NEURL1: variants seen among roughly 807,000 people sequenced by gnomAD.
NEURL1 encodes neuralized E3 ubiquitin protein ligase 1, also known as E3 ubiquitin-protein ligase NEURL1.
In NEURL1, 26 loss-of-function variants were observed where a neutral mutation model predicts 41.2. The observed-to-expected ratio is 0.63, with a 90% confidence interval of 0.46 to 0.87. The LOEUF (loss-of-function observed/expected upper bound fraction) is 0.87. Ranked by LOEUF, NEURL1 falls within the 40% of genes least tolerant of loss-of-function variation. The pLI is 0.00. For synonymous variants in NEURL1, 400 were observed against 402.3 expected (o/e 0.99, Z 0.07); for missense variants, 761 against 871.1 (o/e 0.87, Z 1.59).
In NEURL1 at chr10:103,590,621, C is replaced by CT; in HGVS notation, c.*250dup. The CT allele has an allele frequency of 1.8e-6, 1 of 548,570 alleles. No homozygotes were observed. The highest frequency in any genetic ancestry group is 3.3e-6 in the Non-Finnish European group (1 of 305,330). 34.0% of individuals were successfully genotyped at this position (548,570 alleles called of 1,614,324 possible). A position where few individuals can be genotyped will look rare whatever the true frequency, so the allele number is the denominator to read the frequency against. ...CGCACTCTCCCTGTCTCTCCCGTCT[C>CT]TGCACCCAGCTCCTCTCTGCATGCT... On this transcript the variant is annotated 3_prime_UTR_variant, in exon 6 of 6. Transcript: ENST00000369780.
At position 103,584,529 on chromosome 10, in the gene NEURL1, CG is replaced by C; in HGVS notation, c.650-6del. 7.4e-7 allele frequency: 1 copy of C among 1,357,548 alleles called. No homozygotes were observed. The allele number at this position is 1,357,548 out of a possible 1,614,324, so 84.1% of individuals were successfully genotyped here. A position where few individuals can be genotyped will look rare whatever the true frequency, so the allele number is the denominator to read the frequency against. ...CTGCGTGACACTGCCCCGTGTCTCC[CG>C]CGCAGATAGCGAGCTGGTGCTCCCG... On this transcript the variant is annotated splice_region_variant and splice_polypyrimidine_tract_variant and intron_variant, in intron 3 of 5. Coordinates refer to ENST00000369780, the MANE Select transcript of NEURL1 (RefSeq NM_004210.5).
At chr10:103,512,884 C>A (rs1022613333) in intron 1 of NEURL1, among the ~76,000 whole-genome samples, 1 of 152,126 alleles carries the variant, frequency 6.6e-6, no homozygotes, top group African/African-American at 2.4e-5. Flanking sequence ...TCCCTTCTCT[C>A]CCCTCTTCCC....
chr10:103,585,118 T>C lies in NEURL1; in HGVS notation c.1232T>C (p.Leu411Pro). 1 of 1,591,056 alleles carries C rather than the reference T, an allele frequency of 6.3e-7. No individual in the cohort carries two copies. The highest frequency in any genetic ancestry group is 2.3e-5 in the East Asian group (1 of 44,422). The change falls in exon 4 of 6, where the codon CTC becomes CCC. Residue 411 changes from leucine to proline, a missense_variant. Coordinates refer to ENST00000369780, the MANE Select transcript of NEURL1 (RefSeq NM_004210.5). The stretch of plus-strand genomic sequence containing the variant: ...GTCAACGCCGACGGCGAGCTGCACC[T>C]CAGCCACAATGGCGCGGCCGCCGGC... ...LVVNADGELH[L>P]SHNGAAAGMQ...
intron 1 of NEURL1, among the ~76,000 whole-genome samples, chr10:103,528,286 C>T (rs552554737): frequency 1.3e-5 from 2 of 152,168 alleles, no homozygotes; most frequent in East Asian, 3.9e-4. Context: ...ACCCGGTAGG[C>T]GGATGTTGCA....
At chr10:103,565,196 G>T (rs2035393909) in intron 1 of NEURL1, among the ~76,000 whole-genome samples, 1 of 152,188 alleles carries the variant, frequency 6.6e-6, no homozygotes, top group African/African-American at 2.4e-5. Context: ...CAGGAGGGCA[G>T]CTGGGGCCTG....
chr10:103,511,575 G>A (rs972516750), intron 1 of NEURL1, among the ~76,000 whole-genome samples: 1 of 152,220 alleles, frequency 6.6e-6, no homozygotes, highest in Non-Finnish European at 1.5e-5. Flanking sequence ...CCTTATTTGA[G>A]GTAATGCTTG....
At chr10:103,585,986 A>G (rs2035916194) in intron 4 of NEURL1, among the ~76,000 whole-genome samples, 1 of 151,854 alleles carries the variant, frequency 6.6e-6, no homozygotes, top group Non-Finnish European at 1.5e-5. Context: ...CAGGTGGTGC[A>G]GGGTGGTGTC....
rs117621478 is a variant in NEURL1, at chr10:103,529,940, G to A, written c.85+35468G>A. 5.1e-3 allele frequency among the ~76,000 whole-genome samples: 784 copies of A among 152,242 alleles called. 1 individual carries two copies. Among genetic ancestry groups the A allele is most frequent in the Non-Finnish European group, 7.9e-3 (537 of 68,020 alleles). On this transcript the variant is annotated intron_variant, in intron 1 of 5. Coordinates refer to ENST00000369780, the MANE Select transcript of NEURL1 (RefSeq NM_004210.5). ...TCTTATGCAAGAAAAAATTTGGGGT[G>A]AGTCCACAGAGTAAAGTGAAAGCAA... is the stretch of plus-strand genomic sequence containing the variant.
intron 1 of NEURL1, among the ~76,000 whole-genome samples, chr10:103,521,610 A>T (rs758494718): frequency 8.4e-4 from 128 of 152,292 alleles, no homozygotes; most frequent in Non-Finnish European, 1.5e-3. Flanking sequence ...GTGGCTTGTA[A>T]CCAACCTAGA....
At chr10:103,541,651 T>A (rs2133864076) in intron 1 of NEURL1, among the ~76,000 whole-genome samples, 1 of 152,232 alleles carries the variant, frequency 6.6e-6, no homozygotes, top group African/African-American at 2.4e-5. Context: ...GCGTCCACCC[T>A]GCAGTGGAAG....
intron 3 of NEURL1, among the ~76,000 whole-genome samples, chr10:103,579,726 G>A (rs2035745304): frequency 6.6e-6 from 1 of 152,146 alleles, no homozygotes; most frequent in Admixed American, 6.5e-5. Context: ...CAGATCACTT[G>A]AGCTGAGGAG....
rs945513817 is a variant in NEURL1, at chr10:103,528,139, T to C, written c.85+33667T>C. On this transcript the variant is annotated intron_variant, in intron 1 of 5. Coordinates refer to ENST00000369780, the MANE Select transcript of NEURL1 (RefSeq NM_004210.5). Reference sequence around the variant, plus strand: ...GGGAGGCTGAGGTGGGTGGATCACCTGAGGTCAGGAATTTGAGACCAGCCT... The same window carrying C: ...GGGAGGCTGAGGTGGGTGGATCACCCGAGGTCAGGAATTTGAGACCAGCCT... Among the ~76,000 whole-genome samples, 3 of 152,154 alleles carry C rather than the reference T, an allele frequency of 2.0e-5. No homozygotes were observed. In the East Asian group the frequency reaches 5.8e-4, roughly 29 times the overall value.
At chr10:103,530,482 A>G (rs1279603708) in intron 1 of NEURL1, among the ~76,000 whole-genome samples, 2 of 151,938 alleles carry the variant, frequency 1.3e-5, no homozygotes, top group Admixed American at 6.6e-5. Context: ...TATTTGTACA[A>G]TTTCACAAAT....
intron 1 of NEURL1, among the ~76,000 whole-genome samples, chr10:103,559,272 A>G (rs748463751): frequency 6.6e-5 from 10 of 152,162 alleles, no homozygotes; most frequent in Non-Finnish European, 1.0e-4. Context: ...GAAGGTGCAC[A>G]TCCCCACACC....
chr10:103,508,392 G>A lies in NEURL1; in HGVS notation c.85+13920G>A, dbSNP rs988656074. On this transcript the variant is annotated intron_variant, in intron 1 of 5. Transcript: ENST00000369780. This position sits in a 1 kb window ranked among gnomAD's most constrained non-coding sequence, Gnocchi z 4.3. Reference sequence around the variant, plus strand: ...TAGCATTAGGGTGACATCCATTTGCGACTCTCATCCTCAGGATACAGCTAG... The same window carrying A: ...TAGCATTAGGGTGACATCCATTTGCAACTCTCATCCTCAGGATACAGCTAG... Among the ~76,000 whole-genome samples the A allele has an allele frequency of 1.3e-5, 2 of 152,164 alleles. No homozygotes were observed. The highest frequency in any genetic ancestry group is 2.4e-5 in the African/African-American group (1 of 41,444).
At chr10:103,521,823 G>A (rs931146904) in intron 1 of NEURL1, among the ~76,000 whole-genome samples, 11 of 152,104 alleles carry the variant, frequency 7.2e-5, no homozygotes, top group African/African-American at 2.2e-4. Flanking sequence ...CCCGGGTTTC[G>A]GCACCAAATG....
At chr10:103,585,350 A>C in intron 4 of NEURL1, 125 bp downstream of exon 4, 1 of 881,754 alleles carries the variant, frequency 1.1e-6, no homozygotes, top group South Asian at 1.9e-5. Flanking sequence ...AATCACAGAC[A>C]CCTAAGGTGA....
At chr10:103,503,666 C>T (rs1449117943) in intron 1 of NEURL1, among the ~76,000 whole-genome samples, 1 of 152,082 alleles carries the variant, frequency 6.6e-6, no homozygotes, top group East Asian at 1.9e-4. Flanking sequence ...GTGCTCACCA[C>T]TTCCAGCTTA....
intron 3 of NEURL1, among the ~76,000 whole-genome samples, chr10:103,572,713 C>T (rs2035576635): frequency 6.6e-6 from 1 of 152,214 alleles, no homozygotes; most frequent in South Asian, 2.1e-4. Context: ...TCTCCTTGTG[C>T]ACAGGCACTC....
Sources: gnomAD v4.1 joint callset for allele counts (sites outside exome capture counted in the v4.1 genomes callset) on GRCh38, gnomAD v4.1.1 for gene constraint, Gnocchi (gnomAD v3.1) non-coding constraint, MANE v1.5 for transcripts, NCBI Gene and HGNC (gene_info 2026-07-23, HGNC 2026-07-21) for gene names.